The following NRDE2 variants were observed in gnomAD, a reference collection of about 807,000 sequenced individuals.
The protein encoded by NRDE2 is NRDE-2, necessary for RNA interference, domain containing.
Under a neutral mutation model 124.2 loss-of-function variants are expected in NRDE2, and 76 were observed. The ratio of observed to expected loss-of-function variants is 0.61; its 90% CI spans 0.51 to 0.74. The LOEUF (loss-of-function observed/expected upper bound fraction) is 0.74. Among genes scored for constraint, NRDE2 ranks in the 30% least tolerant of loss-of-function variants. NRDE2 has a pLI of 0.00. For missense variants in NRDE2, 1,314 were observed against 1,417.3 expected (o/e 0.93, Z 1.17); for synonymous variants, 489 against 528.1 (o/e 0.93, Z 1.01).
At chr14:90,313,967 T>G (rs1331255790) in intron 3 of NRDE2, among the ~76,000 whole-genome samples, 3 of 152,200 alleles carry the variant, frequency 2.0e-5, no homozygotes. Flanking sequence ...GAGAGCCTAC[T>G]GCAAACTGAT....
Position 90,290,533 on chromosome 14 carries a change from G to T in NRDE2, c.1917C>A (p.Ala639=), listed in dbSNP as rs1892246777. 1 of 1,613,894 alleles carries T rather than the reference G, an allele frequency of 6.2e-7. No homozygotes were observed. Among genetic ancestry groups the T allele is most frequent in the Admixed American group, 1.7e-5 (1 of 60,006 alleles). The change falls in exon 10 of 14, where the codon GCC becomes GCA. Residue 639 remains alanine (A), a synonymous_variant. Transcript: ENST00000354366. ...SHDLQFQLVE[A]FLQFLGVPSG... is the part of the protein sequence containing the mutation. ...AAGGCACACCCAAGAACTGCAGGAA[G>T]GCCTCCACCAGCTGGAACTGAAGAT...
chr14:90,288,913 C>CAG lies in NRDE2; in HGVS notation c.2460_2461dup (p.Cys821SerfsTer19). ...CTCAGCATAGAGCAGACTGAGCTCACAGAGGTCAGAGTCTTTCAGTTCTCT... is the reference window on the plus strand; with the variant it reads ...CTCAGCATAGAGCAGACTGAGCTCACAGAGAGGTCAGAGTCTTTCAGTTCTCT... On this transcript the variant is annotated frameshift_variant, in exon 11 of 14. Transcript: ENST00000354366. LOFTEE classifies it high-confidence loss of function. 6.2e-7 allele frequency: 1 copy of CAG among 1,613,928 alleles called. No homozygotes were observed. Among genetic ancestry groups the CAG allele is most frequent in the Non-Finnish European group, 8.5e-7 (1 of 1,179,836 alleles).
At chr14:90,301,184 C>T in intron 7 of NRDE2, 55 bp downstream of exon 7, 1 of 1,586,534 alleles carries the variant, frequency 6.3e-7, no homozygotes, top group Non-Finnish European at 8.6e-7. Context: ...CCTTCCCCCT[C>T]TCCCTCCAGA....
Position 90,274,545 on chromosome 14 carries a change from A to ATTAT in NRDE2, c.*3790_*3791insATAA, listed in dbSNP as rs1455551097. ...CTAGACCCAGACCTTTGCTGCTAAA[A>ATTAT]GTATTATTCTCCACTAAAAGGAGTG... On this transcript the variant is annotated 3_prime_UTR_variant, in exon 14 of 14. Transcript: ENST00000354366. 3 of 125,988 alleles carry ATTAT rather than the reference A, an allele frequency of 2.4e-5. No homozygotes were observed. Among genetic ancestry groups the ATTAT allele is most frequent in the Admixed American group, 1.6e-4 (2 of 12,650 alleles). The allele number at this position is 125,988 out of a possible 1,614,324, so 7.8% of individuals were successfully genotyped here.
Position 90,302,796 on chromosome 14 carries a change from C to T in NRDE2, c.1335G>A (p.Leu445=). The T allele has an allele frequency of 6.2e-7, 1 of 1,614,110 alleles. No homozygotes were observed. Among genetic ancestry groups the T allele is most frequent in the Non-Finnish European group, 8.5e-7 (1 of 1,180,010 alleles). ...SKIHSLYGKC[L]STLSAVKDGS... is the part of the protein sequence containing the mutation. The stretch of plus-strand genomic sequence containing the variant: ...CGTCCTTAACAGCAGACAAAGTGCT[C>T]AAGCATTTTCCATAAAGACTGTGAA... The change falls in exon 6 of 14, where the codon TTG becomes TTA. Residue 445 remains leucine (L), a synonymous_variant. Transcript: ENST00000354366.
intron 8 of NRDE2, 34 bp from the exon 9 acceptor site, chr14:90,292,906 C>G: frequency 6.3e-7 from 1 of 1,588,034 alleles, no homozygotes; most frequent in Non-Finnish European, 8.6e-7. Flanking sequence ...ACCTCATCAG[C>G]AAATAAAACC....
At chr14:90,285,999 T>C (rs1892092576) in intron 12 of NRDE2, among the ~76,000 whole-genome samples, 2 of 152,168 alleles carry the variant, frequency 1.3e-5, no homozygotes, top group Admixed American at 6.5e-5. Flanking sequence ...GCAAAGAATA[T>C]AGGTCTCTTT....
At chr14:90,278,734 G>C (rs1891870512) in intron 13 of NRDE2, 2 of 539,482 alleles carry the variant, frequency 3.7e-6, no homozygotes, top group South Asian at 4.8e-5. Flanking sequence ...TTTCACTTCT[G>C]AGTGTCACCT....
Position 90,276,445 on chromosome 14 carries a change from T to C in NRDE2, c.*1891A>G, listed in dbSNP as rs1164938012. ...CATGTTAGCCAGGATGGTCTCGATCTCCTGACCTCGTGATCCGTCCGCCTC... is the reference window on the plus strand; with the variant it reads ...CATGTTAGCCAGGATGGTCTCGATCCCCTGACCTCGTGATCCGTCCGCCTC... On this transcript the variant is annotated 3_prime_UTR_variant, in exon 14 of 14. Coordinates refer to ENST00000354366, the MANE Select transcript of NRDE2 (RefSeq NM_017970.4). 1 of 152,084 alleles carries C rather than the reference T, an allele frequency of 6.6e-6. No homozygotes were observed. The highest frequency in any genetic ancestry group is 1.5e-5 in the Non-Finnish European group (1 of 68,036). 9.4% of individuals were successfully genotyped at this position (152,084 alleles called of 1,614,324 possible).
intron 10 of NRDE2, among the ~76,000 whole-genome samples, chr14:90,289,907 C>T (rs2139675940): frequency 6.6e-6 from 1 of 152,282 alleles, no homozygotes; most frequent in African/African-American, 2.4e-5. Context: ...TTTAATAAGC[C>T]CCTGAATGCT....
intron 1 of NRDE2, among the ~76,000 whole-genome samples, chr14:90,327,689 T>C (rs550524588): frequency 6.6e-6 from 1 of 152,206 alleles, no homozygotes; most frequent in Non-Finnish European, 1.5e-5. Flanking sequence ...AACTCATTAT[T>C]CTGAAACTAA....
chr14:90,287,489 G>A (rs1053843108), intron 11 of NRDE2, among the ~76,000 whole-genome samples: 7 of 151,826 alleles, frequency 4.6e-5, no homozygotes, highest in Non-Finnish European at 2.9e-5. Flanking sequence ...GCCAGGCGTG[G>A]TGGTGCCTGT....
At chr14:90,298,784 T>A (rs770733813) in intron 7 of NRDE2, among the ~76,000 whole-genome samples, 45 of 152,254 alleles carry the variant, frequency 3.0e-4, no homozygotes, top group Admixed American at 4.6e-4. Flanking sequence ...GCCAGGCCAG[T>A]CTAACCAGGG....
In NRDE2 at chr14:90,290,620, C is replaced by T; in HGVS notation, c.1843-13G>A. ...CATCAAACAACACCTGCAACAAAGA[C>T]AAAATAAAGCGACCCATGTAACAAA... On this transcript the variant is annotated splice_polypyrimidine_tract_variant and intron_variant, in intron 9 of 13. Coordinates refer to ENST00000354366, the MANE Select transcript of NRDE2 (RefSeq NM_017970.4). 1.3e-6 allele frequency: 2 copies of T among 1,542,628 alleles called. No individual in the cohort carries two copies. The highest frequency in any genetic ancestry group is 1.8e-6 in the Non-Finnish European group (2 of 1,141,088).
chr14:90,301,453 T>A, intron 6 of NRDE2, 81 bp from the exon 7 acceptor site: 2 of 1,368,120 alleles, frequency 1.5e-6, no homozygotes, highest in Non-Finnish European at 2.0e-6. Flanking sequence ...AACAGGCAAT[T>A]AACACATTGA....
intron 7 of NRDE2, among the ~76,000 whole-genome samples, chr14:90,299,290 T>G (rs1401578811): frequency 6.6e-6 from 1 of 152,128 alleles, no homozygotes; most frequent in Non-Finnish European, 1.5e-5. Context: ...TCAGGTGCTC[T>G]GCCCACCTTA....
chr14:90,272,481 GC>G lies in NRDE2; in HGVS notation c.*5854del. ...TGAAAGGGATGAGGTTGGGGGAGTT[GC>G]CCAGAGGAATCCCTGTTCCCACTGA... On this transcript the variant is annotated 3_prime_UTR_variant, in exon 14 of 14. Coordinates refer to ENST00000354366, the MANE Select transcript of NRDE2 (RefSeq NM_017970.4). This position sits in a 1 kb window ranked among gnomAD's most constrained non-coding sequence, Gnocchi z 4.5. The G allele has an allele frequency of 1.8e-6, 2 of 1,087,216 alleles. No individual in the cohort carries two copies. The highest frequency in any genetic ancestry group is 2.6e-6 in the Non-Finnish European group (2 of 767,688). 67.3% of individuals were successfully genotyped at this position (1,087,216 alleles called of 1,614,324 possible).
chr14:90,319,030 G>T (rs1042897470), intron 1 of NRDE2, among the ~76,000 whole-genome samples: 1 of 152,046 alleles, frequency 6.6e-6, no homozygotes, highest in Non-Finnish European at 1.5e-5. Flanking sequence ...ATTATCTCTA[G>T]GTGATTACAT....
intron 12 of NRDE2, chr14:90,281,718 C>T (rs1032762488): frequency 6.6e-6 from 1 of 152,172 alleles, no homozygotes; most frequent in African/African-American, 2.4e-5. Flanking sequence ...TTTTTTATCT[C>T]CTTATAAACA....
Sources: allele counts gnomAD v4.1 joint callset (sites outside exome capture counted in the v4.1 genomes callset), GRCh38; gene constraint gnomAD v4.1.1; non-coding constraint Gnocchi (gnomAD v3.1); transcripts MANE v1.5; gene names NCBI Gene and HGNC (gene_info 2026-07-23, HGNC 2026-07-21).